The following PTPRD variants were observed in gnomAD, a reference collection of about 807,000 sequenced individuals.
PTPRD encodes the protein receptor-type tyrosine-protein phosphatase delta.
In PTPRD, 34 loss-of-function variants were observed where a neutral mutation model predicts 214.5. That is an observed-to-expected ratio of 0.16 (90% CI 0.12 to 0.21). The LOEUF (loss-of-function observed/expected upper bound fraction) is 0.21. Ranked by LOEUF, PTPRD falls within the 10% of genes least tolerant of loss-of-function variation. The pLI, the probability that PTPRD is intolerant of heterozygous loss-of-function variation, is 1.00. For missense variants in PTPRD, 2,545 were observed against 2,398.7 expected, an observed-to-expected ratio of 1.06 and a Z score of -1.27; for synonymous variants, 1,128 against 845.7, an observed-to-expected ratio of 1.33 and a Z score of -5.79.
intron 5 of PTPRD, among the ~76,000 whole-genome samples, chr9:9,773,689 A>C (rs1297638667): frequency 1.3e-5 from 2 of 152,206 alleles, no homozygotes; most frequent in Admixed American, 6.5e-5. Flanking sequence ...ACAAATAAAG[A>C]AAGCATTGTA....
At chr9:8,736,257 T>C (rs546752093) in intron 11 of PTPRD, among the ~76,000 whole-genome samples, 75 of 152,304 alleles carry the variant, frequency 4.9e-4, no homozygotes, top group African/African-American at 1.7e-3. Context: ...ATTGTACCTA[T>C]AGAACCCTCA....
intron 10 of PTPRD, among the ~76,000 whole-genome samples, chr9:9,100,148 A>G (rs1037300014): frequency 4.6e-5 from 7 of 152,122 alleles, no homozygotes; most frequent in Non-Finnish European, 8.8e-5. Flanking sequence ...AGAATGGGGT[A>G]TCTTTACTTG....
At chr9:9,199,783 G>A (rs942847305) in intron 9 of PTPRD, among the ~76,000 whole-genome samples, 3 of 147,636 alleles carry the variant, frequency 2.0e-5, no homozygotes, top group Non-Finnish European at 4.5e-5. Context: ...ACACGCTAAA[G>A]TAATTTATAT....
intron 2 of PTPRD, among the ~76,000 whole-genome samples, chr9:10,417,609 TAAC>T (rs2098504484): frequency 6.6e-6 from 1 of 151,744 alleles, no homozygotes; most frequent in Admixed American, 6.6e-5. Flanking sequence ...ATATCAATAA[TAAC>T]ATATATAAAT....
At chr9:10,563,640 T>C (rs2064681704) in intron 2 of PTPRD, among the ~76,000 whole-genome samples, 1 of 150,918 alleles carries the variant, frequency 6.6e-6, no homozygotes, top group Admixed American at 6.6e-5. Flanking sequence ...TGAAACACTG[T>C]TGTTGTTGTT....
intron 3 of PTPRD, among the ~76,000 whole-genome samples, chr9:10,162,876 A>G (rs754826093): frequency 9.3e-5 from 14 of 150,460 alleles, no homozygotes; most frequent in Non-Finnish European, 2.1e-4. Context: ...GCATATTATT[A>G]TTCTTTTCTT....
chr9:8,881,335 C>T (rs2098444267), intron 11 of PTPRD, among the ~76,000 whole-genome samples: 1 of 152,142 alleles, frequency 6.6e-6, no homozygotes, highest in African/African-American at 2.4e-5. Context: ...AAGAAGTTTT[C>T]CATGAATATT....
intron 10 of PTPRD, among the ~76,000 whole-genome samples, chr9:9,020,627 G>A (rs968197902): frequency 1.3e-5 from 2 of 152,090 alleles, no homozygotes; most frequent in Non-Finnish European, 2.9e-5. Context: ...AGATTTAAGT[G>A]GAATACAAGA....
At chr9:9,437,418 C>T (rs898250778) in intron 8 of PTPRD, among the ~76,000 whole-genome samples, 5 of 139,630 alleles carry the variant, frequency 3.6e-5, no homozygotes, top group African/African-American at 1.4e-4. Flanking sequence ...CACAATGATG[C>T]CCCCTGAGAG....
At chr9:8,532,015 G>C (rs1271762782) in intron 14 of PTPRD, among the ~76,000 whole-genome samples, 2 of 151,890 alleles carry the variant, frequency 1.3e-5, no homozygotes, top group African/African-American at 4.8e-5. Flanking sequence ...GCACAACAAA[G>C]ATAATCTTTC....
At chr9:9,238,073 GT>G (rs2099968087) in intron 9 of PTPRD, among the ~76,000 whole-genome samples, 1 of 152,024 alleles carries the variant, frequency 6.6e-6, no homozygotes, top group Non-Finnish European at 1.5e-5. Flanking sequence ...AAGCATCAGC[GT>G]TCTGGCAGCC....
At chr9:9,320,353 G>A (rs1211003265) in intron 9 of PTPRD, among the ~76,000 whole-genome samples, 1 of 152,094 alleles carries the variant, frequency 6.6e-6, no homozygotes, top group East Asian at 1.9e-4. Flanking sequence ...TATGTTTGGT[G>A]AGAACCCCAT....
At chr9:8,660,766 T>C (rs1329215651) in intron 12 of PTPRD, among the ~76,000 whole-genome samples, 3 of 152,166 alleles carry the variant, frequency 2.0e-5, no homozygotes, top group Non-Finnish European at 4.4e-5. Context: ...AGTAAGGTTT[T>C]ATATACAAGG....
chr9:10,568,235 T>C (rs963959422), intron 2 of PTPRD, among the ~76,000 whole-genome samples: 2 of 151,966 alleles, frequency 1.3e-5, no homozygotes, highest in African/African-American at 4.8e-5. Flanking sequence ...TTTGTCCTTG[T>C]GATAGTTTGC....
At chr9:8,619,039 A>T (rs2095717565) in intron 14 of PTPRD, among the ~76,000 whole-genome samples, 1 of 148,476 alleles carries the variant, frequency 6.7e-6, no homozygotes, top group Admixed American at 6.8e-5. Context: ...GGATTACAGG[A>T]TTGAGCCACT....
At chr9:9,492,029 A>C (rs1195868489) in intron 8 of PTPRD, among the ~76,000 whole-genome samples, 2 of 151,962 alleles carry the variant, frequency 1.3e-5, no homozygotes, top group Non-Finnish European at 2.9e-5. Context: ...GAGTATACAT[A>C]AATTACTAAA....
intron 3 of PTPRD, among the ~76,000 whole-genome samples, chr9:10,146,150 C>CATATATATATATAT (rs56191246): frequency 1.5e-3 from 222 of 147,352 alleles, no homozygotes; most frequent in African/African-American, 4.2e-3. Flanking sequence ...TGAAATCATC[C>CATATATATATATAT]ATATATATAT....
chr9:9,662,069 G>A (rs888787360), intron 7 of PTPRD, among the ~76,000 whole-genome samples: 7 of 151,626 alleles, frequency 4.6e-5, no homozygotes, highest in Admixed American at 2.0e-4. Context: ...TTTTATAAAA[G>A]TATTCAAATA....
At chr9:8,553,012 G>A (rs1372211718) in intron 14 of PTPRD, among the ~76,000 whole-genome samples, 1 of 152,154 alleles carries the variant, frequency 6.6e-6, no homozygotes, top group East Asian at 1.9e-4. Flanking sequence ...AGACCCAAGA[G>A]AGAGACAGTA....
Sources: allele counts gnomAD v4.1 joint callset (sites outside exome capture counted in the v4.1 genomes callset), GRCh38; gene constraint gnomAD v4.1.1; transcripts MANE v1.5; gene names NCBI Gene and HGNC (gene_info 2026-07-23, HGNC 2026-07-21).